Variants in FAM135B observed in about 807,000 individuals in gnomAD.
FAM135B encodes family with sequence similarity 135 member B.
FAM135B carries 43 observed loss-of-function variants against 127.7 expected under a neutral mutation model. The ratio of observed to expected loss-of-function variants is 0.34; its 90% CI spans 0.26 to 0.43. FAM135B has a LOEUF of 0.43. FAM135B is among the 20% of genes least tolerant of loss of function. The pLI is 1.00. For missense variants in FAM135B, 1,558 were observed against 1,725.6 expected, an observed-to-expected ratio of 0.90 and a Z score of 1.72; for synonymous variants, 670 against 665.1, an observed-to-expected ratio of 1.01 and a Z score of -0.11.
chr8:138,374,966 GAAC>G (rs1315810948), intron 1 of FAM135B, among the ~76,000 whole-genome samples: 3 of 151,258 alleles, frequency 2.0e-5, no homozygotes, highest in Non-Finnish European at 4.4e-5. Flanking sequence ...TCCCACAAAA[GAAC>G]AACCTGGGAA....
intron 1 of FAM135B, among the ~76,000 whole-genome samples, chr8:138,411,398 T>A (rs1226440668): frequency 6.6e-6 from 1 of 152,162 alleles, no homozygotes; most frequent in Non-Finnish European, 1.5e-5. Flanking sequence ...GGATTCCCTA[T>A]TTAATAAATG....
intron 3 of FAM135B, among the ~76,000 whole-genome samples, chr8:138,268,273 G>T (rs939986174): frequency 6.6e-6 from 1 of 152,158 alleles, no homozygotes; most frequent in African/African-American, 2.4e-5. Flanking sequence ...TGTTTGCAGA[G>T]AAACTTCTGA....
intron 12 of FAM135B, among the ~76,000 whole-genome samples, chr8:138,155,285 C>A (rs1382061403): frequency 6.6e-6 from 1 of 152,146 alleles, no homozygotes; most frequent in Non-Finnish European, 1.5e-5. Context: ...TACAAGAGCT[C>A]CTGAAGGAAG....
intron 3 of FAM135B, among the ~76,000 whole-genome samples, chr8:138,267,989 T>A (rs1440150155): frequency 1.3e-5 from 2 of 152,176 alleles, no homozygotes; most frequent in Non-Finnish European, 2.9e-5. Flanking sequence ...AGAATGACAA[T>A]GTGGCAGCGG....
At chr8:138,360,997 T>G (rs1275922250) in intron 2 of FAM135B, among the ~76,000 whole-genome samples, 1 of 151,924 alleles carries the variant, frequency 6.6e-6, no homozygotes, top group Non-Finnish European at 1.5e-5. Flanking sequence ...ACAATCTCAG[T>G]TCACTGCAAC....
In FAM135B at chr8:138,194,930, T is replaced by A. The variant is rs917807577; in HGVS notation, c.873+328A>T. On this transcript the variant is annotated intron_variant, in intron 9 of 19. Coordinates refer to ENST00000395297, the MANE Select transcript of FAM135B (RefSeq NM_015912.4). Reference sequence around the variant, plus strand: ...TGTGCACAGGTACAAGATTCTGTCATCCACAGTGAGAAGCACTGAGTTAAC... The same window carrying A: ...TGTGCACAGGTACAAGATTCTGTCAACCACAGTGAGAAGCACTGAGTTAAC... Among the ~76,000 whole-genome samples the A allele has an allele frequency of 2.6e-5, 4 of 152,216 alleles. No homozygotes were observed. In the East Asian group the frequency reaches 7.7e-4, roughly 29 times the overall value.
chr8:138,147,459 A>G (rs1817748165), intron 14 of FAM135B, among the ~76,000 whole-genome samples: 1 of 152,170 alleles, frequency 6.6e-6, no homozygotes, highest in Non-Finnish European at 1.5e-5. Flanking sequence ...AAGAATACGA[A>G]TCTTGAGGTT....
intron 12 of FAM135B, among the ~76,000 whole-genome samples, chr8:138,166,163 T>C (rs942985311): frequency 4.6e-5 from 7 of 152,220 alleles, no homozygotes; most frequent in Middle Eastern, 3.2e-3. Flanking sequence ...CTCTGTGGCA[T>C]TGAGTTTGTG....
chr8:138,296,064 T>C (rs538182485), intron 3 of FAM135B, among the ~76,000 whole-genome samples: 1 of 152,348 alleles, frequency 6.6e-6, no homozygotes, highest in South Asian at 2.1e-4. Context: ...TGCTAATGAA[T>C]GCTTTTTAGT....
chr8:138,257,893 A>AT lies in FAM135B; in HGVS notation c.298-1135_298-1134insA, dbSNP rs948104079. ...CTACAAAAAATAAAAAATAAAAAAAAAAATAAAACAAAACAAAACAAAACA... is the reference window on the plus strand; with the variant it reads ...CTACAAAAAATAAAAAATAAAAAAAATAAATAAAACAAAACAAAACAAAACA... On this transcript the variant is annotated intron_variant, in intron 4 of 19. Coordinates refer to ENST00000395297, the MANE Select transcript of FAM135B (RefSeq NM_015912.4). 5.9e-3 allele frequency among the ~76,000 whole-genome samples: 831 copies of AT among 139,824 alleles called. 5 individuals carry two copies. Among genetic ancestry groups the AT allele is most frequent in the African/African-American group, 0.019 (786 of 40,788 alleles). The allele number at this position is 139,824 out of a possible 152,430, so 91.7% of individuals were successfully genotyped here.
At chr8:138,262,231 A>G (rs893524719) in intron 4 of FAM135B, among the ~76,000 whole-genome samples, 3 of 152,204 alleles carry the variant, frequency 2.0e-5, no homozygotes, top group Non-Finnish European at 4.4e-5. Context: ...ATTGTCAGGG[A>G]CAAGAACAAT....
chr8:138,496,055 T>A (rs1815380085), intron 1 of FAM135B, among the ~76,000 whole-genome samples: 1 of 152,108 alleles, frequency 6.6e-6, no homozygotes, highest in African/African-American at 2.4e-5. Context: ...TCCCATCCTA[T>A]CCCTAATAGT....
At chr8:138,177,238 G>A (rs1290878317) in intron 11 of FAM135B, 109 bp downstream of exon 11, 3 of 983,758 alleles carry the variant, frequency 3.0e-6, no homozygotes, top group African/African-American at 1.6e-5. Context: ...GTGCAGAGGT[G>A]GGCAGACTTC....
chr8:138,235,569 G>A lies in FAM135B; in HGVS notation c.669+7373C>T, dbSNP rs899853478. On this transcript the variant is annotated intron_variant, in intron 7 of 19. Coordinates refer to ENST00000395297, the MANE Select transcript of FAM135B (RefSeq NM_015912.4). ...AGGGCAAAGTGCAAAGAATCCAATA[G>A]AAATGGGTATAAGAGAATAAGAAGA... Among the ~76,000 whole-genome samples the A allele has an allele frequency of 1.9e-4, 29 of 152,142 alleles. 1 individual carries two copies. Among genetic ancestry groups the A allele is most frequent in the African/African-American group, 5.8e-4 (24 of 41,436 alleles).
intron 2 of FAM135B, among the ~76,000 whole-genome samples, chr8:138,365,666 A>G (rs917332845): frequency 2.0e-5 from 3 of 152,184 alleles, no homozygotes; most frequent in Non-Finnish European, 4.4e-5. Flanking sequence ...CATTATTAAT[A>G]TTATCTTCAA....
intron 7 of FAM135B, among the ~76,000 whole-genome samples, chr8:138,218,792 GAGAGAGAGAGAGGGAGAGAA>G: frequency 1.0e-5 from 1 of 100,484 alleles, no homozygotes. Context: ...GAGAGAGAGA[GAGAGAGAGAGAGGGAGAGAA>G]AGAGAGAGAG....
chr8:138,471,087 A>G (rs959696232), intron 1 of FAM135B, among the ~76,000 whole-genome samples: 1 of 152,210 alleles, frequency 6.6e-6, no homozygotes, highest in African/African-American at 2.4e-5. Flanking sequence ...ATGAAATTGC[A>G]AAGCCTTGTG....
chr8:138,197,723 G>A (rs2131142563), intron 7 of FAM135B, 54 bp from the exon 8 acceptor site: 2 of 1,584,724 alleles, frequency 1.3e-6, no homozygotes, highest in South Asian at 1.1e-5. Flanking sequence ...GGCCCAGGCA[G>A]CACAGGGCTG....
At chr8:138,473,139 C>A (rs566245058) in intron 1 of FAM135B, among the ~76,000 whole-genome samples, 1 of 152,066 alleles carries the variant, frequency 6.6e-6, no homozygotes, top group Non-Finnish European at 1.5e-5. Flanking sequence ...CTGCTTTTCT[C>A]GTGACGACTT....
Sources: allele counts gnomAD v4.1 joint callset (sites outside exome capture counted in the v4.1 genomes callset), GRCh38; gene constraint gnomAD v4.1.1; transcripts MANE v1.5; gene names NCBI Gene and HGNC (gene_info 2026-07-23, HGNC 2026-07-21).